SYCP1: variants seen among roughly 807,000 people sequenced by gnomAD.
The protein encoded by SYCP1 is synaptonemal complex protein 1, also known as cancer/testis antigen 8.
Under a neutral mutation model 153.1 loss-of-function variants are expected in SYCP1, and 64 were observed. The ratio of observed to expected loss-of-function variants is 0.42; its 90% CI spans 0.34 to 0.51. SYCP1 has a LOEUF of 0.51. Among genes scored for constraint, SYCP1 ranks in the 20% least tolerant of loss-of-function variants. The pLI, the probability that SYCP1 is intolerant of heterozygous loss-of-function variation, is 0.06. For missense variants in SYCP1, 997 were observed against 1,049.0 expected, an observed-to-expected ratio of 0.95 and a Z score of 0.68; for synonymous variants, 384 against 341.8, an observed-to-expected ratio of 1.12 and a Z score of -1.36.
intron 15 of SYCP1, among the ~76,000 whole-genome samples, chr1:114,893,153 G>A (rs1666836946): frequency 1.3e-5 from 2 of 152,156 alleles, no homozygotes; most frequent in Admixed American, 1.3e-4. Context: ...AGGTGAGTGG[G>A]CAGATGCCTC....
intron 23 of SYCP1, among the ~76,000 whole-genome samples, chr1:114,929,607 T>C (rs987173978): frequency 7.2e-5 from 11 of 152,034 alleles, no homozygotes; most frequent in Non-Finnish European, 1.6e-4. Context: ...CAAGTAGTAT[T>C]ATTAAAGATC....
At chr1:114,957,260 A>C (rs1027884896) in intron 27 of SYCP1, among the ~76,000 whole-genome samples, 39 of 152,136 alleles carry the variant, frequency 2.6e-4, no homozygotes, top group Non-Finnish European at 5.4e-4. Flanking sequence ...GGGTCTTGCT[A>C]TGTTGCCTAA....
chr1:114,948,776 T>C (rs1670909619), intron 27 of SYCP1, among the ~76,000 whole-genome samples: 1 of 152,224 alleles, frequency 6.6e-6, no homozygotes, highest in Non-Finnish European at 1.5e-5. Context: ...AAAATGGCTT[T>C]CCCTTCATCT....
chr1:114,929,021 G>A (rs1228828026), intron 23 of SYCP1, among the ~76,000 whole-genome samples: 1 of 152,110 alleles, frequency 6.6e-6, no homozygotes, highest in African/African-American at 2.4e-5. Context: ...TTTTCATTGT[G>A]TCTCAAATGG....
At chr1:114,965,418 G>A (rs1469814522) in intron 27 of SYCP1, among the ~76,000 whole-genome samples, 2 of 152,126 alleles carry the variant, frequency 1.3e-5, no homozygotes, top group Non-Finnish European at 2.9e-5. Flanking sequence ...GTGAGAGAGG[G>A]CATCCTTGTC....
chr1:114,938,743 G>T (rs1570812168), intron 23 of SYCP1, among the ~76,000 whole-genome samples: 1 of 151,972 alleles, frequency 6.6e-6, no homozygotes, highest in South Asian at 2.1e-4. Flanking sequence ...AAAAAATAAA[G>T]TATGGGCAAA....
At chr1:114,951,494 A>G (rs989582349) in intron 27 of SYCP1, among the ~76,000 whole-genome samples, 3 of 152,204 alleles carry the variant, frequency 2.0e-5, no homozygotes, top group African/African-American at 7.2e-5. Flanking sequence ...AGTTCTTGAA[A>G]GGGCTGAGAT....
At chr1:114,969,972 C>G (rs1358474580) in intron 27 of SYCP1, among the ~76,000 whole-genome samples, 1 of 152,194 alleles carries the variant, frequency 6.6e-6, no homozygotes, top group Non-Finnish European at 1.5e-5. Flanking sequence ...CTGTGGGCTG[C>G]ACCCACTGTC....
intron 16 of SYCP1, among the ~76,000 whole-genome samples, chr1:114,904,217 T>C (rs752042311): frequency 2.6e-5 from 4 of 151,670 alleles, no homozygotes; most frequent in Non-Finnish European, 2.9e-5. Flanking sequence ...CCCAGATTCA[T>C]GCCATTCTCC....
chr1:114,947,730 G>A (rs939640264), intron 27 of SYCP1, among the ~76,000 whole-genome samples: 74 of 144,670 alleles, frequency 5.1e-4, no homozygotes, highest in Non-Finnish European at 1.0e-3. Context: ...GGAGAATGGC[G>A]TGAACCCGGG....
rs539196166 is a variant in SYCP1, at chr1:114,906,214, G to A, written c.1321-4183G>A. On this transcript the variant is annotated intron_variant, in intron 16 of 31. Coordinates refer to ENST00000369522, the MANE Select transcript of SYCP1 (RefSeq NM_003176.4). ...ACTCCTGACCTCAAGTGATGCACCC[G>A]CCTTGACCTCCCAAAGTGCTGGGAT... Among the ~76,000 whole-genome samples the A allele has an allele frequency of 7.9e-5, 12 of 151,986 alleles. 1 individual carries two copies. In the East Asian group the frequency reaches 1.5e-3, roughly 20 times the overall value.
chr1:114,984,991 G>A (rs1673403583), intron 30 of SYCP1, 123 bp downstream of exon 30: 1 of 419,742 alleles, frequency 2.4e-6, no homozygotes, highest in South Asian at 1.2e-4. Context: ...ATATACAGTG[G>A]AGCTCTGCTA....
At chr1:114,977,150 C>A (rs1468541934) in intron 27 of SYCP1, among the ~76,000 whole-genome samples, 1 of 151,796 alleles carries the variant, frequency 6.6e-6, no homozygotes, top group Non-Finnish European at 1.5e-5. Context: ...CACCTTTTCT[C>A]AACATGCATA....
intron 28 of SYCP1, among the ~76,000 whole-genome samples, chr1:114,980,960 T>G (rs1673111653): frequency 6.6e-6 from 1 of 151,892 alleles, no homozygotes; most frequent in Admixed American, 6.6e-5. Context: ...GGCCCCAGTG[T>G]GTTTTGTTGT....
intron 23 of SYCP1, among the ~76,000 whole-genome samples, chr1:114,936,262 A>G (rs1670002108): frequency 6.6e-6 from 1 of 152,228 alleles, no homozygotes; most frequent in Non-Finnish European, 1.5e-5. Context: ...GCAAATCAAT[A>G]AACGTAATCC....
At chr1:114,950,458 A>G (rs1671021131) in intron 27 of SYCP1, among the ~76,000 whole-genome samples, 1 of 152,164 alleles carries the variant, frequency 6.6e-6, no homozygotes, top group Non-Finnish European at 1.5e-5. Flanking sequence ...TTTATAAAAT[A>G]TTAATACAGA....
chr1:114,894,133 A>G (rs1666909957), intron 15 of SYCP1, among the ~76,000 whole-genome samples: 2 of 152,038 alleles, frequency 1.3e-5, no homozygotes, highest in South Asian at 4.1e-4. Flanking sequence ...ACTGTCTTTA[A>G]TCAATTTTTG....
At position 114,898,980 on chromosome 1, in the gene SYCP1, T is replaced by C. The variant is rs549151746; in HGVS notation, c.1320+3471T>C. Among the ~76,000 whole-genome samples the C allele has an allele frequency of 1.7e-3, 255 of 152,274 alleles. 4 individuals are homozygous for C. The highest frequency in any genetic ancestry group is 6.1e-3 in the African/African-American group (252 of 41,560). On this transcript the variant is annotated intron_variant, in intron 16 of 31. Coordinates refer to ENST00000369522, the MANE Select transcript of SYCP1 (RefSeq NM_003176.4). ...TACTGACCACAGGTCAGGAACCCTG[T>C]ATGGGGCTGTGCAGACAACGGTGTG...
intron 21 of SYCP1, among the ~76,000 whole-genome samples, chr1:114,924,169 T>C (rs533004427): frequency 6.6e-6 from 1 of 152,280 alleles, no homozygotes; most frequent in African/African-American, 2.4e-5. Context: ...CACCTTTTAA[T>C]ATTTGAGAAT....
Sources: gnomAD v4.1 joint callset for allele counts (sites outside exome capture counted in the v4.1 genomes callset) on GRCh38, gnomAD v4.1.1 for gene constraint, MANE v1.5 for transcripts, NCBI Gene and HGNC (gene_info 2026-07-23, HGNC 2026-07-21) for gene names.